Variants in FHIT observed in about 807,000 individuals in gnomAD.
The protein encoded by FHIT is fragile histidine triad diadenosine triphosphatase, also known as bis(5'-adenosyl)-triphosphatase.
A neutral mutation model predicts 17.9 loss-of-function variants in FHIT; 19 were observed. That is an observed-to-expected ratio of 1.06 (90% CI 0.74 to 1.56). The LOEUF is 1.56. FHIT is among the 40% of genes most tolerant of loss of function. FHIT has a pLI of 0.00. For missense variants in FHIT, 248 were observed against 189.2 expected, an observed-to-expected ratio of 1.31 and a Z score of -1.82; for synonymous variants, 81 against 69.7, an observed-to-expected ratio of 1.16 and a Z score of -0.81.
chr3:60,680,250 A>G (rs1358470154), intron 4 of FHIT, among the ~76,000 whole-genome samples: 1 of 152,196 alleles, frequency 6.6e-6, no homozygotes, highest in Non-Finnish European at 1.5e-5. Flanking sequence ...ACAATTGGAT[A>G]GATGTAAAAA....
chr3:60,105,209 C>G (rs1330096445), intron 5 of FHIT, among the ~76,000 whole-genome samples: 1 of 152,122 alleles, frequency 6.6e-6, no homozygotes, highest in Non-Finnish European at 1.5e-5. Flanking sequence ...TTTCAAGTAC[C>G]AGGCACTCAC....
At chr3:60,575,188 G>C (rs1041236907) in intron 4 of FHIT, among the ~76,000 whole-genome samples, 15 of 152,140 alleles carry the variant, frequency 9.9e-5, no homozygotes, top group African/African-American at 3.6e-4. Context: ...GTTGGACTTG[G>C]CTGAGTAGGT....
At chr3:60,750,692 G>A (rs560036480) in intron 4 of FHIT, among the ~76,000 whole-genome samples, 4 of 152,172 alleles carry the variant, frequency 2.6e-5, no homozygotes, top group South Asian at 2.1e-4. Context: ...CCCAGTCTCC[G>A]ATATATCTTT....
At chr3:59,831,520 T>A (rs532707607) in intron 8 of FHIT, among the ~76,000 whole-genome samples, 2 of 152,272 alleles carry the variant, frequency 1.3e-5, no homozygotes, top group Non-Finnish European at 2.9e-5. Context: ...TGCCCTTAGT[T>A]ACTACCCTCT....
At chr3:61,246,764 G>C (rs2040496073) in intron 1 of FHIT, among the ~76,000 whole-genome samples, 1 of 152,078 alleles carries the variant, frequency 6.6e-6, no homozygotes, top group African/African-American at 2.4e-5. Context: ...TTAAAACCTA[G>C]ATGACAGATT....
chr3:60,549,198 G>T (rs1408290280), intron 4 of FHIT, among the ~76,000 whole-genome samples: 3 of 152,186 alleles, frequency 2.0e-5, no homozygotes, highest in African/African-American at 7.2e-5. Context: ...AAAATGGTAT[G>T]TAATGGTTAC....
intron 3 of FHIT, among the ~76,000 whole-genome samples, chr3:60,877,188 G>C (rs1159473785): frequency 6.6e-6 from 1 of 152,154 alleles, no homozygotes; most frequent in Non-Finnish European, 1.5e-5. Context: ...TATCATCTTA[G>C]AACTGGAACT....
intron 8 of FHIT, among the ~76,000 whole-genome samples, chr3:59,902,434 C>A (rs1704371678): frequency 6.6e-6 from 1 of 151,940 alleles, no homozygotes; most frequent in South Asian, 2.1e-4. Context: ...AGTAATCCCA[C>A]TCCTGGATAT....
intron 1 of FHIT, among the ~76,000 whole-genome samples, chr3:61,204,346 T>C (rs1213760542): frequency 6.6e-6 from 1 of 152,178 alleles, no homozygotes; most frequent in African/African-American, 2.4e-5. Flanking sequence ...AATCAGTTTA[T>C]TATTTTCTTT....
At chr3:61,217,183 T>C (rs1283130301) in intron 1 of FHIT, among the ~76,000 whole-genome samples, 1 of 152,106 alleles carries the variant, frequency 6.6e-6, no homozygotes, top group Admixed American at 6.6e-5. Context: ...AGTAAGAATT[T>C]ATTATCTCTC....
chr3:60,746,249 G>A (rs2042354415), intron 4 of FHIT, among the ~76,000 whole-genome samples: 1 of 152,114 alleles, frequency 6.6e-6, no homozygotes, highest in Admixed American at 6.5e-5. Context: ...TCCCCCAAAG[G>A]GAGTTAAGCA....
In FHIT at chr3:60,190,476, C is replaced by T. The variant is rs942756720; in HGVS notation, c.104-176324G>A. On this transcript the variant is annotated intron_variant, in intron 5 of 9. Coordinates refer to ENST00000492590, the MANE Select transcript of FHIT (RefSeq NM_002012.4). ...AAAAATTCTAAGGGAGGGCTGGGCA[C>T]GGTGGCTCACACCTGTAATCCCAGC... Among the ~76,000 whole-genome samples, 29 of 152,138 alleles carry T rather than the reference C, an allele frequency of 1.9e-4. 1 individual carries two copies. The highest frequency in any genetic ancestry group is 1.5e-3 in the Admixed American group (23 of 15,274).
chr3:60,647,457 G>A (rs1244408761), intron 4 of FHIT, among the ~76,000 whole-genome samples: 1 of 152,092 alleles, frequency 6.6e-6, no homozygotes, highest in Non-Finnish European at 1.5e-5. Flanking sequence ...CCTGCCCAAG[G>A]CCTCCTAGAA....
intron 3 of FHIT, among the ~76,000 whole-genome samples, chr3:60,920,010 G>C (rs915338304): frequency 1.3e-5 from 2 of 151,804 alleles, no homozygotes; most frequent in Non-Finnish European, 2.9e-5. Flanking sequence ...CTCCAGCCTG[G>C]GCGACAGAGC....
chr3:60,803,421 T>C (rs1553732940), intron 4 of FHIT, among the ~76,000 whole-genome samples: 2 of 152,186 alleles, frequency 1.3e-5, no homozygotes, highest in Admixed American at 6.5e-5. Flanking sequence ...GGGGACACTT[T>C]CTCAGTAAAG....
At chr3:60,052,901 A>T (rs1250344976) in intron 5 of FHIT, among the ~76,000 whole-genome samples, 1 of 151,708 alleles carries the variant, frequency 6.6e-6, no homozygotes, top group Non-Finnish European at 1.5e-5. Context: ...TGTGTTATTT[A>T]TCAGAAAGTC....
rs180928614 is a variant in FHIT at position 60,357,948 on chromosome 3, A to G, written c.103+178912T>C. On this transcript the variant is annotated intron_variant, in intron 5 of 9. Coordinates refer to ENST00000492590, the MANE Select transcript of FHIT (RefSeq NM_002012.4). ...GATAAAAGACTCTCATAATTGTATT[A>G]TGTACAGCAGCATCAGCATCACCTG... 1.1e-4 allele frequency among the ~76,000 whole-genome samples: 16 copies of G among 152,304 alleles called. No homozygotes were observed. The East Asian group carries it at 3.1e-3, about 29-fold the overall frequency.
At chr3:60,683,817 A>G (rs1194534233) in intron 4 of FHIT, among the ~76,000 whole-genome samples, 7 of 152,178 alleles carry the variant, frequency 4.6e-5, no homozygotes, top group Non-Finnish European at 1.0e-4. Flanking sequence ...TTCCCATTTA[A>G]GTAATGGCAA....
chr3:59,985,029 C>T (rs1708830402), intron 7 of FHIT, among the ~76,000 whole-genome samples: 1 of 151,934 alleles, frequency 6.6e-6, no homozygotes, highest in Non-Finnish European at 1.5e-5. Flanking sequence ...GGGAGAGTTC[C>T]CATCGTAGGA....
Sources: allele counts gnomAD v4.1 joint callset (sites outside exome capture counted in the v4.1 genomes callset), GRCh38; gene constraint gnomAD v4.1.1; transcripts MANE v1.5; gene names NCBI Gene and HGNC (gene_info 2026-07-23, HGNC 2026-07-21).